The following NKAIN3 variants were observed in gnomAD, a reference collection of about 807,000 sequenced individuals.
NKAIN3 encodes sodium/potassium-transporting ATPase subunit beta-1-interacting protein 3.
In NKAIN3, 25 loss-of-function variants were observed where a neutral mutation model predicts 30.2. The ratio of observed to expected loss-of-function variants is 0.83; its 90% CI spans 0.60 to 1.16. NKAIN3 has a LOEUF of 1.16. NKAIN3 is among the 50% of genes most tolerant of loss of function. NKAIN3 has a pLI of 0.00. For missense variants in NKAIN3, 225 were observed against 254.1 expected, an observed-to-expected ratio of 0.89 and a Z score of 0.78; for synonymous variants, 91 against 89.6, an observed-to-expected ratio of 1.02 and a Z score of -0.09.
At chr8:62,920,553 T>A (rs1257227670) in intron 5 of NKAIN3, among the ~76,000 whole-genome samples, 2 of 152,226 alleles carry the variant, frequency 1.3e-5, no homozygotes, top group South Asian at 2.1e-4. Context: ...ATAAATTGTA[T>A]TGTTCACTGC....
chr8:62,584,760 A>G (rs764239999), intron 2 of NKAIN3, among the ~76,000 whole-genome samples: 15 of 152,184 alleles, frequency 9.9e-5, no homozygotes, highest in Non-Finnish European at 1.8e-4. Flanking sequence ...TTGCCTGACC[A>G]CTGAATGCAA....
intron 1 of NKAIN3, among the ~76,000 whole-genome samples, chr8:62,333,097 T>G (rs1397857028): frequency 6.6e-6 from 1 of 152,138 alleles, no homozygotes; most frequent in African/African-American, 2.4e-5. Flanking sequence ...TATTTTTGAT[T>G]TTCCATTACA....
intron 3 of NKAIN3, among the ~76,000 whole-genome samples, chr8:62,733,393 T>G (rs563134916): frequency 6.6e-6 from 1 of 152,214 alleles, no homozygotes; most frequent in Non-Finnish European, 1.5e-5. Flanking sequence ...GAAATGCTTT[T>G]GTTTCATCAT....
chr8:62,255,601 A>G (rs1024131395), intron 1 of NKAIN3, among the ~76,000 whole-genome samples: 5 of 152,248 alleles, frequency 3.3e-5, no homozygotes, highest in African/African-American at 1.2e-4. Flanking sequence ...AAGGTAGAAC[A>G]AACCTAGGTT....
chr8:62,642,281 A>G (rs1248373930), intron 3 of NKAIN3, among the ~76,000 whole-genome samples: 1 of 152,114 alleles, frequency 6.6e-6, no homozygotes, highest in Admixed American at 6.6e-5. Flanking sequence ...TGTCATCGAA[A>G]CCTCAGTCAG....
At chr8:62,445,010 A>G (rs1805437685) in intron 1 of NKAIN3, among the ~76,000 whole-genome samples, 1 of 151,964 alleles carries the variant, frequency 6.6e-6, no homozygotes, top group Admixed American at 6.6e-5. Flanking sequence ...CAGTGGCACT[A>G]TCTTGGCTCA....
In NKAIN3 at chr8:62,646,752, G is replaced by A. The variant is rs1812471798; in HGVS notation, c.273+56958G>A. On this transcript the variant is annotated intron_variant, in intron 3 of 6. Coordinates refer to ENST00000623646, the MANE Select transcript of NKAIN3 (RefSeq NM_001304533.3). The stretch of plus-strand genomic sequence containing the variant: ...TTGTAAACAGAGCAAAAACTATTAC[G>A]GAAACCATGCATATAACATGTAAAG... Among the ~76,000 whole-genome samples the A allele has an allele frequency of 3.3e-5, 5 of 151,714 alleles. No individual in the cohort carries two copies. In the South Asian group the frequency reaches 1.0e-3, roughly 32 times the overall value.
rs1390310704 is a variant in NKAIN3 at position 62,984,776 on chromosome 8, T to G, written c.*19369T>G. On this transcript the variant is annotated 3_prime_UTR_variant, in exon 7 of 7. Coordinates refer to ENST00000623646, the MANE Select transcript of NKAIN3 (RefSeq NM_001304533.3). ...CATATTTGAAAGTGATCAGAAAGTG[T>G]TATTTAACAGAAACTACATACATTT... 6.6e-6 allele frequency: 1 copy of G among 152,210 alleles called. No individual in the cohort carries two copies. The highest frequency in any genetic ancestry group is 1.5e-5 in the Non-Finnish European group (1 of 68,034). 9.4% of individuals were successfully genotyped at this position (152,210 alleles called of 1,614,324 possible).
intron 3 of NKAIN3, among the ~76,000 whole-genome samples, chr8:62,590,718 T>C (rs944049977): frequency 5.3e-5 from 8 of 151,894 alleles, no homozygotes; most frequent in African/African-American, 1.9e-4. Flanking sequence ...TAGGTTCCAT[T>C]GAAGTCCTTG....
At chr8:62,728,646 C>T (rs1815341555) in intron 3 of NKAIN3, among the ~76,000 whole-genome samples, 1 of 150,602 alleles carries the variant, frequency 6.6e-6, no homozygotes, top group Non-Finnish European at 1.5e-5. Context: ...GCCTGGGCGA[C>T]AAGAACGAAA....
At chr8:62,627,042 T>C (rs1811810908) in intron 3 of NKAIN3, among the ~76,000 whole-genome samples, 1 of 152,144 alleles carries the variant, frequency 6.6e-6, no homozygotes, top group Non-Finnish European at 1.5e-5. Flanking sequence ...AAGAAAGTTA[T>C]CTTCCTCAAG....
intron 4 of NKAIN3, among the ~76,000 whole-genome samples, chr8:62,821,454 G>A (rs941107041): frequency 2.6e-5 from 4 of 152,104 alleles, no homozygotes; most frequent in Non-Finnish European, 5.9e-5. Context: ...TTCAGAAGAA[G>A]GAGAAAGAGC....
At chr8:62,734,390 T>A (rs938218571) in intron 3 of NKAIN3, among the ~76,000 whole-genome samples, 1 of 152,164 alleles carries the variant, frequency 6.6e-6, no homozygotes, top group African/African-American at 2.4e-5. Flanking sequence ...TTTCATATAA[T>A]TTTTTTTCCT....
intron 1 of NKAIN3, among the ~76,000 whole-genome samples, chr8:62,485,828 A>G (rs1276109663): frequency 6.6e-6 from 1 of 152,224 alleles, no homozygotes; most frequent in African/African-American, 2.4e-5. Context: ...AGGTTGAACA[A>G]CAGATCAGAT....
intron 4 of NKAIN3, among the ~76,000 whole-genome samples, chr8:62,870,251 T>TAG: frequency 9.8e-6 from 1 of 102,046 alleles, no homozygotes; most frequent in Non-Finnish European, 1.8e-5. Flanking sequence ...TATAGATATC[T>TAG]ATATATATAT....
intron 1 of NKAIN3, among the ~76,000 whole-genome samples, chr8:62,390,343 G>A (rs961129604): frequency 5.9e-5 from 9 of 151,996 alleles, no homozygotes; most frequent in East Asian, 1.9e-4. Flanking sequence ...AATGTCTGCC[G>A]GCTCCAACCA....
chr8:62,339,121 T>C (rs1424834960), intron 1 of NKAIN3, among the ~76,000 whole-genome samples: 1 of 151,938 alleles, frequency 6.6e-6, no homozygotes, highest in East Asian at 1.9e-4. Context: ...TTCCAGATGG[T>C]GGGTAAAACA....
intron 4 of NKAIN3, among the ~76,000 whole-genome samples, chr8:62,914,961 C>G (rs140927992): frequency 3.4e-4 from 51 of 152,154 alleles, no homozygotes; most frequent in African/African-American, 1.1e-3. Flanking sequence ...CCTTGCCCCC[C>G]CACAGGCCCT....
intron 5 of NKAIN3, among the ~76,000 whole-genome samples, chr8:62,994,209 C>T (rs994219636): frequency 4.6e-5 from 7 of 152,156 alleles, no homozygotes; most frequent in African/African-American, 1.7e-4. Flanking sequence ...TAGAAACAAC[C>T]CAAATGCCTA....
Sources: gnomAD v4.1 joint callset for allele counts (sites outside exome capture counted in the v4.1 genomes callset) on GRCh38, gnomAD v4.1.1 for gene constraint, MANE v1.5 for transcripts, NCBI Gene and HGNC (gene_info 2026-07-23, HGNC 2026-07-21) for gene names.